The following TNR variants were observed in gnomAD, a reference collection of about 807,000 sequenced individuals.
TNR encodes the protein tenascin R.
In TNR, 45 loss-of-function variants were observed where a neutral mutation model predicts 150.4. The ratio of observed to expected loss-of-function variants is 0.30; its 90% CI spans 0.24 to 0.38. The LOEUF (loss-of-function observed/expected upper bound fraction) is 0.38, where lower values mean the gene tolerates loss of function less well. TNR is among the 10% of genes least tolerant of loss of function. TNR has a pLI of 1.00. For synonymous variants in TNR, 687 were observed against 678.4 expected (o/e 1.01, Z -0.20); for missense variants, 1,544 against 1,759.1 (o/e 0.88, Z 2.19).
intron 1 of TNR, among the ~76,000 whole-genome samples, chr1:175,561,409 CA>C (rs1251410433): frequency 6.6e-6 from 1 of 152,298 alleles, no homozygotes; most frequent in Admixed American, 6.5e-5. Flanking sequence ...CCTTCCATGC[CA>C]GCCCCACCTC....
At chr1:175,340,316 G>T (rs1650460744) in intron 18 of TNR, among the ~76,000 whole-genome samples, 1 of 152,106 alleles carries the variant, frequency 6.6e-6, no homozygotes, top group South Asian at 2.1e-4. Flanking sequence ...AAGGCCATTT[G>T]GTTGTTTATA....
chr1:175,438,651 C>T (rs1426310057), intron 2 of TNR, among the ~76,000 whole-genome samples: 3 of 152,182 alleles, frequency 2.0e-5, no homozygotes, highest in Admixed American at 2.0e-4. Context: ...CCCAAAATCT[C>T]CTTAAGCTGA....
At chr1:175,655,173 G>T (rs868615007) in intron 1 of TNR, among the ~76,000 whole-genome samples, 50 of 152,240 alleles carry the variant, frequency 3.3e-4, no homozygotes, top group African/African-American at 1.2e-3. Context: ...CTTGTTCACT[G>T]TTACAGCCCA....
rs531705933 is a variant in TNR, at chr1:175,652,146, TATATA to T, written c.-165+91075_-165+91079del. On this transcript the variant is annotated intron_variant, in intron 1 of 22. Transcript: ENST00000367674. ...ATACATTATATTATATATTATACTT[TATATA>T]ATATATTATGTATATAATAATATAT... Among the ~76,000 whole-genome samples the T allele has an allele frequency of 2.2e-3, 332 of 148,020 alleles. 3 individuals are homozygous for T. The highest frequency in any genetic ancestry group is 7.4e-3 in the African/African-American group (303 of 40,912).
chr1:175,540,943 C>T (rs1432727099), intron 1 of TNR, among the ~76,000 whole-genome samples: 1 of 152,032 alleles, frequency 6.6e-6, no homozygotes, highest in African/African-American at 2.4e-5. Context: ...ACTTATTTCC[C>T]CAACCTCCTT....
At chr1:175,741,776 T>C (rs760049612) in intron 1 of TNR, among the ~76,000 whole-genome samples, 11 of 152,188 alleles carry the variant, frequency 7.2e-5, no homozygotes, top group Non-Finnish European at 1.6e-4. Flanking sequence ...GAGTATTTTC[T>C]TCATCTTGGA....
chr1:175,603,171 A>G (rs937899185), intron 1 of TNR, among the ~76,000 whole-genome samples: 1 of 152,188 alleles, frequency 6.6e-6, no homozygotes, highest in Non-Finnish European at 1.5e-5. Context: ...TGTGCTGTAG[A>G]CCTGGCACTA....
At chr1:175,592,061 A>G (rs1028812378) in intron 1 of TNR, among the ~76,000 whole-genome samples, 3 of 152,208 alleles carry the variant, frequency 2.0e-5, no homozygotes, top group African/African-American at 7.2e-5. Context: ...TTTTTACTGC[A>G]GCATCATGTA....
At chr1:175,642,766 T>C (rs1664703562) in intron 1 of TNR, among the ~76,000 whole-genome samples, 1 of 152,008 alleles carries the variant, frequency 6.6e-6, no homozygotes, top group Non-Finnish European at 1.5e-5. Context: ...ACCCCATCTT[T>C]ACAAAAAATA....
At chr1:175,418,782 G>A (rs1271407186) in intron 2 of TNR, among the ~76,000 whole-genome samples, 1 of 152,038 alleles carries the variant, frequency 6.6e-6, no homozygotes, top group Non-Finnish European at 1.5e-5. Flanking sequence ...GTTTGTAGAA[G>A]GGCTTGGTTC....
intron 1 of TNR, among the ~76,000 whole-genome samples, chr1:175,636,664 G>T (rs976222206): frequency 2.0e-5 from 3 of 152,162 alleles, no homozygotes; most frequent in African/African-American, 7.2e-5. Flanking sequence ...ATTCCTCTGT[G>T]CAGTCTTTGC....
At chr1:175,539,176 A>G (rs80290205) in intron 1 of TNR, 1 of 152,278 alleles carries the variant, frequency 6.6e-6, no homozygotes, top group African/African-American at 2.4e-5. Context: ...AGTGCAGTCA[A>G]CTGTTTACAC....
Position 175,497,847 on chromosome 1 carries a change from G to C in TNR, c.-64+30422C>G, listed in dbSNP as rs371437886. Among the ~76,000 whole-genome samples, 29 of 152,290 alleles carry C rather than the reference G, an allele frequency of 1.9e-4. No homozygotes were observed. The East Asian group carries it at 4.8e-3, about 25-fold the overall frequency. Reference sequence around the variant, plus strand: ...GGCCGAGGTGGGCAGATCATCTTAGGTCAGGAGTTTGAGACCAGCCTGGCC... The same window carrying C: ...GGCCGAGGTGGGCAGATCATCTTAGCTCAGGAGTTTGAGACCAGCCTGGCC... On this transcript the variant is annotated intron_variant, in intron 2 of 22. Coordinates refer to ENST00000367674, the MANE Select transcript of TNR (RefSeq NM_003285.3).
At chr1:175,417,077 A>AAGAAAGAAAGAAAGAAAGAAAGAAAG (rs1358494901) in intron 2 of TNR, among the ~76,000 whole-genome samples, 5 of 149,820 alleles carry the variant, frequency 3.3e-5, no homozygotes, top group Non-Finnish European at 1.5e-5. Flanking sequence ...GAAAGAAAGA[A>AAGAAAGAAAGAAAGAAAGAAAGAAAG]ATCTAAGAAG....
chr1:175,700,921 C>T (rs113411251), intron 1 of TNR, among the ~76,000 whole-genome samples: 17 of 152,326 alleles, frequency 1.1e-4, no homozygotes, highest in African/African-American at 3.4e-4. Flanking sequence ...TCCGCCTCCC[C>T]GAGCCTGATT....
intron 1 of TNR, among the ~76,000 whole-genome samples, chr1:175,642,160 T>A (rs1664683967): frequency 6.6e-6 from 1 of 152,116 alleles, no homozygotes; most frequent in East Asian, 1.9e-4. Context: ...ATTTGTGAAC[T>A]GAATCTTGAA....
chr1:175,477,070 A>G (rs1657577673), intron 2 of TNR, among the ~76,000 whole-genome samples: 1 of 152,192 alleles, frequency 6.6e-6, no homozygotes, highest in South Asian at 2.1e-4. Context: ...ACACTAGCAA[A>G]ATATAAGGGA....
rs2102030989 is a variant in TNR at position 175,386,190 on chromosome 1, A to C, written c.1619T>G (p.Leu540Arg). The change falls in exon 8 of 23, where the codon CTG (leucine) becomes CGG (arginine). Residue 540 changes from leucine (L) to arginine (R), a missense_variant. Around this residue, in one of 2 missense-constraint regions of TNR, gnomAD observed 1,254 missense variants for 1,329.4 expected, o/e 0.94. Coordinates refer to ENST00000367674, the MANE Select transcript of TNR (RefSeq NM_003285.3). The stretch of plus-strand genomic sequence containing the variant: ...GGTCCTCCCACCTTCCCCGCCCACC[A>C]GGCCATATTTCAAAAGAATGAAATC... ...KVDFILLKYG[L>R]VGGEGGRTTF... The C allele has an allele frequency of 6.2e-7, 1 of 1,612,294 alleles. No homozygotes were observed. The highest frequency in any genetic ancestry group is 1.3e-5 in the African/African-American group (1 of 74,998).
At chr1:175,497,651 A>C (rs1557970120) in intron 2 of TNR, among the ~76,000 whole-genome samples, 1 of 152,180 alleles carries the variant, frequency 6.6e-6, no homozygotes, top group African/African-American at 2.4e-5. Flanking sequence ...GCAAGAAAGC[A>C]TGCTTCTGGG....
Sources: gnomAD v4.1 joint callset for allele counts (sites outside exome capture counted in the v4.1 genomes callset) on GRCh38, gnomAD v4.1.1 for gene constraint, gnomAD v4.1.1 regional missense constraint, MANE v1.5 for transcripts, NCBI Gene and HGNC (gene_info 2026-07-23, HGNC 2026-07-21) for gene names.